Variants in FAM135A observed in about 807,000 individuals in gnomAD.
FAM135A encodes protein FAM135A.
In FAM135A, 79 loss-of-function variants were observed where a neutral mutation model predicts 146.8. The observed-to-expected ratio is 0.54, with a 90% CI of 0.45 to 0.65. The LOEUF (loss-of-function observed/expected upper bound fraction) is 0.65, where lower values mean the gene tolerates loss of function less well. Ranked by LOEUF, FAM135A falls within the 30% of genes least tolerant of loss-of-function variation. The pLI is 0.00. For synonymous variants in FAM135A, 562 were observed against 603.6 expected, an observed-to-expected ratio of 0.93 and a Z score of 1.01; for missense variants, 1,623 against 1,758.2, an observed-to-expected ratio of 0.92 and a Z score of 1.38.
At chr6:70,500,065 A>T (rs1293462087) in intron 11 of FAM135A, among the ~76,000 whole-genome samples, 2 of 152,150 alleles carry the variant, frequency 1.3e-5, no homozygotes, top group African/African-American at 4.8e-5. Context: ...TAAAATCCTG[A>T]AGTGTGTTTT....
intron 12 of FAM135A, among the ~76,000 whole-genome samples, chr6:70,510,017 A>G (rs1027388041): frequency 6.6e-6 from 1 of 152,180 alleles, no homozygotes; most frequent in Admixed American, 6.6e-5. Flanking sequence ...ACTTGGTGGT[A>G]TAAAATATAG....
chr6:70,556,807 C>CTT lies in FAM135A; in HGVS notation c.4287_4288dup (p.Tyr1430PhefsTer14), dbSNP rs1445938865. 1 of 1,613,892 alleles carries CTT rather than the reference C, an allele frequency of 6.2e-7. No homozygotes were observed. The highest frequency in any genetic ancestry group is 8.5e-7 in the Non-Finnish European group (1 of 1,180,016). On this transcript the variant is annotated frameshift_variant, in exon 21 of 22. Transcript: ENST00000418814. LOFTEE classifies it high-confidence loss of function. ...GGATCCCTACAGGATCGCTATGTTC[C>CTT]TTATCACTCTGCCCGCATTGAAATG...
At chr6:70,498,904 C>T (rs914425386) in intron 11 of FAM135A, among the ~76,000 whole-genome samples, 3 of 152,056 alleles carry the variant, frequency 2.0e-5, no homozygotes, top group East Asian at 1.9e-4. Flanking sequence ...ATTATGTAAT[C>T]GATTTTAGAA....
chr6:70,509,898 G>A (rs1253590495), intron 12 of FAM135A, among the ~76,000 whole-genome samples: 3 of 152,058 alleles, frequency 2.0e-5, no homozygotes, highest in Non-Finnish European at 4.4e-5. Context: ...CAAAATAGTA[G>A]TACAAACTTA....
rs1253192026 is a variant in FAM135A, at chr6:70,525,985, A to C, written c.2901A>C (p.Leu967Phe). ...ACTCTACAGGGACAGCAATTACATT[A>C]AATTCAAAACTGATTTGTTTAGGCA... ...SNNSTGTAIT[L>F]NSKLICLGTP... The change falls in exon 15 of 22, where the codon TTA (leucine) becomes TTC (phenylalanine). Residue 967 changes from leucine (L) to phenylalanine (F), a missense_variant. By Grantham distance (22) the Leu-to-Phe change is conservative (BLOSUM62 0). This residue lies in a region of FAM135A where 1,061 missense variants were observed against 1,113.8 expected (regional missense o/e 0.95). Transcript: ENST00000418814. The C allele has an allele frequency of 1.2e-6, 2 of 1,613,154 alleles. No homozygotes were observed. The highest frequency in any genetic ancestry group is 1.7e-6 in the Non-Finnish European group (2 of 1,179,566).
intron 1 of FAM135A, 171 bp downstream of exon 1, chr6:70,413,873 T>G: frequency 1.0e-6 from 1 of 985,204 alleles, no homozygotes; most frequent in Non-Finnish European, 1.2e-6. Context: ...CCCGGCCCCG[T>G]TGAAGGTCGG....
intron 12 of FAM135A, among the ~76,000 whole-genome samples, chr6:70,510,323 A>G (rs1198951740): frequency 2.0e-5 from 3 of 152,092 alleles, no homozygotes; most frequent in South Asian, 2.1e-4. Flanking sequence ...ACCATTAACA[A>G]TTTTAATGTA....
At position 70,482,134 on chromosome 6, in the gene FAM135A, C is replaced by G. The variant is rs1468690210; in HGVS notation, c.803C>G (p.Ser268Cys). ...YFITVTEEIP[S>C]CQKLELEEMD... ...ATTACAGTAACAGAAGAGATTCCTTCTTGTCAGAAACTAGAACTGGGTATG... is the reference window on the plus strand; with the variant it reads ...ATTACAGTAACAGAAGAGATTCCTTGTTGTCAGAAACTAGAACTGGGTATG... Residue 268 changes from serine to cysteine, a missense_variant, in exon 10 of 22, where the codon TCT becomes TGT. By Grantham distance (112) the Ser-to-Cys change is moderately radical. This residue lies in a region of FAM135A where 206 missense variants were observed against 194.7 expected (regional missense o/e 1.06). Coordinates refer to ENST00000418814, the MANE Select transcript of FAM135A (RefSeq NM_001162529.3). 6 of 1,613,336 alleles carry G rather than the reference C, an allele frequency of 3.7e-6. No homozygotes were observed. In the East Asian group the frequency reaches 1.1e-4, roughly 30 times the overall value.
chr6:70,488,675 T>C (rs1785214191), intron 10 of FAM135A, among the ~76,000 whole-genome samples: 1 of 152,172 alleles, frequency 6.6e-6, no homozygotes, highest in Non-Finnish European at 1.5e-5. Flanking sequence ...ACATAAACAG[T>C]TGATTAATAC....
At chr6:70,419,771 C>A (rs1768385258) in intron 2 of FAM135A, among the ~76,000 whole-genome samples, 1 of 152,084 alleles carries the variant, frequency 6.6e-6, no homozygotes, top group African/African-American at 2.4e-5. Context: ...TAATGTGAGC[C>A]TCTCATTACA....
At chr6:70,464,671 T>TC (rs1780070693) in intron 5 of FAM135A, among the ~76,000 whole-genome samples, 1 of 142,158 alleles carries the variant, frequency 7.0e-6, no homozygotes, top group Non-Finnish European at 1.5e-5. Flanking sequence ...TTTTTTCTTT[T>TC]TTTTTTTTTT....
intron 4 of FAM135A, among the ~76,000 whole-genome samples, chr6:70,448,014 T>C (rs1307276287): frequency 6.6e-6 from 1 of 151,506 alleles, no homozygotes; most frequent in Non-Finnish European, 1.5e-5. Context: ...AGCTATAATA[T>C]TTCCCTGTTG....
chr6:70,414,794 GC>G (rs1767180825), intron 1 of FAM135A, among the ~76,000 whole-genome samples: 1 of 152,112 alleles, frequency 6.6e-6, no homozygotes, highest in South Asian at 2.1e-4. Flanking sequence ...TGTTTACCTG[GC>G]ATGCCTGGGA....
intron 2 of FAM135A, among the ~76,000 whole-genome samples, chr6:70,423,179 G>A (rs1769247531): frequency 6.6e-6 from 1 of 152,110 alleles, no homozygotes; most frequent in African/African-American, 2.4e-5. Flanking sequence ...GAGTAGAAAG[G>A]AAATAAGTAT....
chr6:70,420,891 T>G (rs142636672), intron 2 of FAM135A, among the ~76,000 whole-genome samples: 130 of 152,164 alleles, frequency 8.5e-4, no homozygotes, highest in African/African-American at 2.7e-3. Flanking sequence ...CTTTTTTTTT[T>G]TTGTTTTTGG....
At chr6:70,489,432 T>C (rs1785412729) in intron 10 of FAM135A, among the ~76,000 whole-genome samples, 1 of 152,234 alleles carries the variant, frequency 6.6e-6, no homozygotes, top group South Asian at 2.1e-4. Context: ...GAAATACATG[T>C]GTTCCATTGA....
In FAM135A at chr6:70,561,125, C is replaced by T. The variant is rs1047938713; in HGVS notation, c.*1204C>T. 2 of 152,328 alleles carry T rather than the reference C, an allele frequency of 1.3e-5. No homozygotes were observed. The highest frequency in any genetic ancestry group is 4.8e-5 in the African/African-American group (2 of 41,378). 9.4% of individuals were successfully genotyped at this position (152,328 alleles called of 1,614,324 possible). A position where few individuals can be genotyped will look rare whatever the true frequency, so the allele number is the denominator to read the frequency against. ...ATGTTTATTTTTAGCGTTGTTATTG[C>T]CTCTGGTGTTAATAAATGAACAAAT... is the stretch of plus-strand genomic sequence containing the variant. On this transcript the variant is annotated 3_prime_UTR_variant, in exon 22 of 22. Transcript: ENST00000418814.
At chr6:70,499,974 G>A (rs186983278) in intron 11 of FAM135A, among the ~76,000 whole-genome samples, 1 of 152,256 alleles carries the variant, frequency 6.6e-6, no homozygotes, top group African/African-American at 2.4e-5. Flanking sequence ...CTCTTCCCAA[G>A]GAGTATTTTA....
At chr6:70,555,865 A>G (rs541906746) in intron 20 of FAM135A, among the ~76,000 whole-genome samples, 1 of 152,302 alleles carries the variant, frequency 6.6e-6, no homozygotes, top group Admixed American at 6.5e-5. Context: ...ACCTCCCCCA[A>G]AAAAGTGGTA....
Sources: allele counts gnomAD v4.1 joint callset (sites outside exome capture counted in the v4.1 genomes callset), GRCh38; gene constraint gnomAD v4.1.1; regional missense constraint gnomAD v4.1.1; transcripts MANE v1.5; gene names NCBI Gene and HGNC (gene_info 2026-07-23, HGNC 2026-07-21).